Variants in EPB41L3 observed in about 807,000 individuals in gnomAD.
The protein encoded by EPB41L3 is band 4.1-like protein 3.
EPB41L3 carries 57 observed loss-of-function variants against 127.1 expected under a neutral mutation model. That is an observed-to-expected ratio of 0.45 (90% CI 0.36 to 0.56). EPB41L3 has a LOEUF of 0.56. Ranked by LOEUF, EPB41L3 falls within the 20% of genes least tolerant of loss-of-function variation. The pLI is 0.00. For missense variants in EPB41L3, 1,273 were observed against 1,372.2 expected, an observed-to-expected ratio of 0.93 and a Z score of 1.14; for synonymous variants, 572 against 549.5, an observed-to-expected ratio of 1.04 and a Z score of -0.57.
intron 1 of EPB41L3, among the ~76,000 whole-genome samples, chr18:5,519,223 G>A (rs1215893401): frequency 6.6e-6 from 1 of 152,230 alleles, no homozygotes; most frequent in Non-Finnish European, 1.5e-5. Context: ...GCCGGGTACT[G>A]CATGTATCCC....
intron 20 of EPB41L3, 118 bp downstream of exon 20, chr18:5,395,491 C>T (rs755999318): frequency 3.1e-5 from 27 of 877,320 alleles, no homozygotes; most frequent in Admixed American, 4.0e-5. Flanking sequence ...GCTATCCCGG[C>T]GTCCTGAGCT....
intron 8 of EPB41L3, 121 bp downstream of exon 8, chr18:5,433,348 G>A (rs2079258273): frequency 1.5e-6 from 1 of 688,934 alleles, no homozygotes; most frequent in South Asian, 1.9e-5. Flanking sequence ...GACAAGCAGA[G>A]ATTTGAATTC....
rs768913652 is a variant in EPB41L3, at chr18:5,445,164, C to G, written c.462G>C (p.Thr154=). ...NLLEKDYFGL[T]YRDAENQKNW... Reference sequence around the variant, plus strand: ...CCTTCTGGTTTTCAGCATCTCGATACGTAAGCCCAAAGTAGTCTTTCTCTA... The same window carrying G: ...CCTTCTGGTTTTCAGCATCTCGATAGGTAAGCCCAAAGTAGTCTTTCTCTA... Residue 154 remains threonine (T), a synonymous_variant, in exon 4 of 23, where the codon ACG becomes ACC. Coordinates refer to ENST00000341928, the MANE Select transcript of EPB41L3 (RefSeq NM_012307.5). 4 of 1,614,058 alleles carry G rather than the reference C, an allele frequency of 2.5e-6. No individual in the cohort carries two copies. The East Asian group carries it at 6.7e-5, about 27-fold the overall frequency.
rs2078489490 is a variant in EPB41L3 at position 5,428,211 on chromosome 18, T to C, written c.1065+102A>G. The C allele has an allele frequency of 4.4e-6, 6 of 1,373,096 alleles. No homozygotes were observed. In the Admixed American group the frequency reaches 9.7e-5, roughly 22 times the overall value. 85.1% of individuals were successfully genotyped at this position (1,373,096 alleles called of 1,614,324 possible). ...TCTCAGGCACTTAGATGTCATTCACTGTGTCCCACAATGCTCAGAACTCAT... is the reference window on the plus strand; with the variant it reads ...TCTCAGGCACTTAGATGTCATTCACCGTGTCCCACAATGCTCAGAACTCAT... On this transcript the variant is annotated intron_variant, in intron 9 of 22. Transcript: ENST00000341928.
chr18:5,566,896 C>G (rs570622917), intron 3 of EPB41L3, among the ~76,000 whole-genome samples: 1 of 151,934 alleles, frequency 6.6e-6, no homozygotes, highest in African/African-American at 2.4e-5. Context: ...ACCTCTGCCT[C>G]CCGGGTTCAA....
intron 3 of EPB41L3, among the ~76,000 whole-genome samples, chr18:5,562,915 A>G (rs2094151922): frequency 6.6e-6 from 1 of 152,244 alleles, no homozygotes; most frequent in Admixed American, 6.5e-5. Flanking sequence ...CAGAGATGAA[A>G]TAAAAGTGTG....
rs763685261 is a variant in EPB41L3 at position 5,419,753 on chromosome 18, C to T, written c.1464G>A (p.Gly488=). 5 of 1,614,174 alleles carry T rather than the reference C, an allele frequency of 3.1e-6. No individual in the cohort carries two copies. The South Asian group carries it at 5.5e-5, about 18-fold the overall frequency. ...RDEEEDKRRK[G]EEVTPISAIR... is the part of the protein sequence containing the mutation. ...TGGCCGAGATGGGCGTGACTTCTTC[C>T]CCCTTCCTCCGTTTGTCCTCTTCCT... The change falls in exon 12 of 23, where the codon GGG becomes GGA. Residue 488 remains glycine, a synonymous_variant. Coordinates refer to ENST00000341928, the MANE Select transcript of EPB41L3 (RefSeq NM_012307.5).
intron 3 of EPB41L3, chr18:5,577,583 A>G: frequency 3.9e-6 from 1 of 253,560 alleles, no homozygotes; most frequent in Non-Finnish European, 7.7e-6. Context: ...AGTATTTTAT[A>G]GTGTCCTTCA....
chr18:5,412,364 T>A (rs2076300243), intron 13 of EPB41L3, among the ~76,000 whole-genome samples: 1 of 152,030 alleles, frequency 6.6e-6, no homozygotes, highest in Admixed American at 6.6e-5. Context: ...TAGCTGGGAC[T>A]ATAGGTGCAT....
chr18:5,616,967 T>C (rs1188486738), intron 1 of EPB41L3, among the ~76,000 whole-genome samples: 1 of 152,248 alleles, frequency 6.6e-6, no homozygotes, highest in Non-Finnish European at 1.5e-5. Context: ...TGCAAGAGTT[T>C]ATCTATAATA....
At position 5,434,902 on chromosome 18, in the gene EPB41L3, C is replaced by T. The variant is rs938253774; in HGVS notation, c.606-781G>A. 5.3e-5 allele frequency among the ~76,000 whole-genome samples: 8 copies of T among 152,154 alleles called. 1 individual carries two copies. The South Asian group carries it at 8.3e-4, about 16-fold the overall frequency. Reference sequence around the variant, plus strand: ...AGGTATCAGAAGAAGACACTGTTATCCTAGGAGATGACAGCTTCATGTGTG... The same window carrying T: ...AGGTATCAGAAGAAGACACTGTTATTCTAGGAGATGACAGCTTCATGTGTG... On this transcript the variant is annotated intron_variant, in intron 6 of 22. Transcript: ENST00000341928.
At chr18:5,428,733 C>T (rs1199189846) in intron 8 of EPB41L3, among the ~76,000 whole-genome samples, 2 of 152,170 alleles carry the variant, frequency 1.3e-5, no homozygotes, top group Admixed American at 6.5e-5. Flanking sequence ...GGGCCCAGCT[C>T]ATGAAGGTAT....
chr18:5,484,611 G>C (rs867952898), intron 2 of EPB41L3, among the ~76,000 whole-genome samples: 1 of 151,504 alleles, frequency 6.6e-6, no homozygotes, highest in East Asian at 1.9e-4. Context: ...CTAAGAAAAA[G>C]AGAGAAAATC....
intron 1 of EPB41L3, among the ~76,000 whole-genome samples, chr18:5,524,108 G>A (rs1171392769): frequency 1.3e-5 from 2 of 152,140 alleles, no homozygotes; most frequent in Admixed American, 1.3e-4. Flanking sequence ...AATAAATAGA[G>A]GCACAGAGAT....
chr18:5,457,548 A>C (rs937870242), intron 3 of EPB41L3, among the ~76,000 whole-genome samples: 2 of 152,004 alleles, frequency 1.3e-5, no homozygotes, highest in South Asian at 2.1e-4. Context: ...AAAAGAAAAA[A>C]ACACACACAC....
At chr18:5,574,024 C>A (rs989008003) in intron 3 of EPB41L3, among the ~76,000 whole-genome samples, 1 of 151,736 alleles carries the variant, frequency 6.6e-6, no homozygotes, top group Non-Finnish European at 1.5e-5. Flanking sequence ...GATTCTCCTG[C>A]GTCAGCCTCC....
intron 20 of EPB41L3, 139 bp from the exon 21 acceptor site, chr18:5,395,286 C>CA: frequency 1.3e-6 from 1 of 797,112 alleles, no homozygotes; most frequent in Non-Finnish European, 2.1e-6. Context: ...ACTTATTTCA[C>CA]ATTTTTAATT....
At chr18:5,605,519 C>T (rs2094641071) in intron 3 of EPB41L3, among the ~76,000 whole-genome samples, 2 of 152,146 alleles carry the variant, frequency 1.3e-5, no homozygotes, top group African/African-American at 4.8e-5. Flanking sequence ...GCTGGGGCTA[C>T]AAGTACACAC....
chr18:5,449,425 T>C (rs535483553), intron 3 of EPB41L3, among the ~76,000 whole-genome samples: 1 of 152,230 alleles, frequency 6.6e-6, no homozygotes, highest in Non-Finnish European at 1.5e-5. Flanking sequence ...TTTGGCAGTT[T>C]CTTACAAAAC....
Sources: allele counts gnomAD v4.1 joint callset (sites outside exome capture counted in the v4.1 genomes callset), GRCh38; gene constraint gnomAD v4.1.1; transcripts MANE v1.5; gene names NCBI Gene and HGNC (gene_info 2026-07-23, HGNC 2026-07-21).